The following DPP6 variants were observed in gnomAD, a reference collection of about 807,000 sequenced individuals.
The protein encoded by DPP6 is dipeptidyl peptidase like 6.
In DPP6, 69 loss-of-function variants were observed where a neutral mutation model predicts 122.6. The observed-to-expected ratio is 0.56, with a 90% CI of 0.46 to 0.69. The LOEUF is 0.69. Among genes scored for constraint, DPP6 ranks in the 30% least tolerant of loss-of-function variants. The pLI is 0.00. For synonymous variants in DPP6, 418 were observed against 433.1 expected, an observed-to-expected ratio of 0.97 and a Z score of 0.43; for missense variants, 928 against 1,116.9, an observed-to-expected ratio of 0.83 and a Z score of 2.41.
intron 21 of DPP6, chr7:154,884,569 A>G (rs1453892689): frequency 1.3e-5 from 2 of 151,450 alleles, no homozygotes; most frequent in African/African-American, 4.9e-5. Flanking sequence ...TCACCCATAC[A>G]TACACACGAT....
intron 1 of DPP6, among the ~76,000 whole-genome samples, chr7:154,251,630 C>T (rs1041065273): frequency 4.6e-5 from 7 of 152,208 alleles, no homozygotes; most frequent in African/African-American, 1.2e-4. Flanking sequence ...ACCGACAGTG[C>T]AGCCTTCAGT....
At chr7:154,076,942 G>A in intron 1 of DPP6, among the ~76,000 whole-genome samples, 1 of 151,936 alleles carries the variant, frequency 6.6e-6, no homozygotes, top group Non-Finnish European at 1.5e-5. Context: ...GAAAAGGACC[G>A]AAAAACCACA....
chr7:154,210,498 G>A (rs1171889706), intron 1 of DPP6, among the ~76,000 whole-genome samples: 1 of 152,172 alleles, frequency 6.6e-6, no homozygotes, highest in African/African-American at 2.4e-5. Context: ...GGTGTTGGAA[G>A]GATTCTATGA....
intron 1 of DPP6, among the ~76,000 whole-genome samples, chr7:154,229,918 A>AT (rs1449323121): frequency 2.6e-5 from 4 of 152,264 alleles, no homozygotes; most frequent in Middle Eastern, 3.4e-3. Flanking sequence ...TATAATACAC[A>AT]TTTTTTCATG....
intron 1 of DPP6, among the ~76,000 whole-genome samples, chr7:154,441,316 A>G (rs2151279021): frequency 6.6e-6 from 1 of 152,310 alleles, no homozygotes; most frequent in South Asian, 2.1e-4. Context: ...TCTCTATTAC[A>G]TATCATATGT....
At chr7:154,010,953 A>G (rs1023184454) in intron 1 of DPP6, among the ~76,000 whole-genome samples, 1 of 152,224 alleles carries the variant, frequency 6.6e-6, no homozygotes, top group African/African-American at 2.4e-5. Context: ...AGTCAGAAGT[A>G]GAAATGGGTA....
the DPP6 span, among the ~76,000 whole-genome samples, chr7:153,874,252 G>GCACACACACACACACACACA: frequency 6.7e-6 from 1 of 150,092 alleles, no homozygotes; most frequent in African/African-American, 2.4e-5. Context: ...GTGCGCACAT[G>GCACACACACACACACACACA]CACACACACA....
chr7:154,772,116 A>G (rs1291270643), intron 9 of DPP6, among the ~76,000 whole-genome samples: 1 of 152,212 alleles, frequency 6.6e-6, no homozygotes. Context: ...GAAATCCCAG[A>G]TTACTCAAGA....
At chr7:154,319,365 TA>T (rs760728617) in intron 1 of DPP6, among the ~76,000 whole-genome samples, 8 of 152,362 alleles carry the variant, frequency 5.3e-5, no homozygotes, top group Non-Finnish European at 8.8e-5. Flanking sequence ...AGTCCTGCTT[TA>T]TATTTGTATA....
chr7:154,145,539 C>T (rs1460914193), intron 1 of DPP6, among the ~76,000 whole-genome samples: 37 of 151,564 alleles, frequency 2.4e-4, no homozygotes, highest in Non-Finnish European at 2.4e-4. Flanking sequence ...CATTGTCTTA[C>T]ACTGGTAGGT....
intron 7 of DPP6, among the ~76,000 whole-genome samples, chr7:154,721,454 C>G (rs1397387686): frequency 1.3e-5 from 2 of 152,128 alleles, no homozygotes; most frequent in Non-Finnish European, 2.9e-5. Flanking sequence ...CGAGTTAATG[C>G]TCATAAAGCA....
At chr7:153,809,841 G>A in the DPP6 span, among the ~76,000 whole-genome samples, 1 of 135,964 alleles carries the variant, frequency 7.4e-6, no homozygotes. Flanking sequence ...TCTCAGGGTT[G>A]TTACAAGGGT....
Position 154,474,939 on chromosome 7 carries a change from C to A in DPP6, c.359C>A (p.Ala120Glu), listed in dbSNP as rs377188231. Residue 120 changes from alanine (A) to glutamate (E), a missense_variant and splice_region_variant, in exon 3 of 26, where the codon GCG becomes GAG. Physicochemically the swap from Ala to Glu is moderately radical, Grantham distance 107. Transcript: ENST00000377770. ...CTCTTTGCTTTTTATTTTTTTCTAG[C>A]GGAAGATAATAGTCTGTCTCAAAAG... is the stretch of plus-strand genomic sequence containing the variant. The part of the protein sequence containing the change: ...IVTSVILLTP[A>E]EDNSLSQKKK... 3 of 1,609,784 alleles carry A rather than the reference C, an allele frequency of 1.9e-6. No homozygotes were observed. The highest frequency in any genetic ancestry group is 1.7e-6 in the Non-Finnish European group (2 of 1,177,028).
chr7:154,476,416 A>G (rs1822743073), intron 3 of DPP6, among the ~76,000 whole-genome samples: 1 of 152,222 alleles, frequency 6.6e-6, no homozygotes. Context: ...ATGTTCGTGT[A>G]CACCCGCTGC....
At chr7:154,815,442 A>G (rs1199833223) in intron 16 of DPP6, among the ~76,000 whole-genome samples, 1 of 152,104 alleles carries the variant, frequency 6.6e-6, no homozygotes, top group Non-Finnish European at 1.5e-5. Flanking sequence ...CAATTTACAT[A>G]ATTTGTGTTT....
intron 1 of DPP6, among the ~76,000 whole-genome samples, chr7:154,370,725 C>G (rs1812581639): frequency 6.6e-6 from 1 of 152,194 alleles, no homozygotes; most frequent in Non-Finnish European, 1.5e-5. Flanking sequence ...TGCAGAAATA[C>G]TCAACCTAGA....
At chr7:154,033,765 C>G (rs1243481775) in intron 1 of DPP6, among the ~76,000 whole-genome samples, 1 of 152,196 alleles carries the variant, frequency 6.6e-6, no homozygotes, top group African/African-American at 2.4e-5. Context: ...GGAAACCCAA[C>G]AGGACCTTAA....
At chr7:154,585,643 A>G (rs1268584298) in intron 5 of DPP6, among the ~76,000 whole-genome samples, 1 of 152,226 alleles carries the variant, frequency 6.6e-6, no homozygotes, top group African/African-American at 2.4e-5. Flanking sequence ...ACTTGAAATC[A>G]TCTCTAGGTT....
chr7:154,102,819 T>C (rs1345630546), intron 1 of DPP6, among the ~76,000 whole-genome samples: 1 of 152,224 alleles, frequency 6.6e-6, no homozygotes, highest in Non-Finnish European at 1.5e-5. Flanking sequence ...GTTCCTCTCT[T>C]AATGTGCATC....
Sources: allele counts gnomAD v4.1 joint callset (sites outside exome capture counted in the v4.1 genomes callset), GRCh38; gene constraint gnomAD v4.1.1; transcripts MANE v1.5; gene names NCBI Gene and HGNC (gene_info 2026-07-23, HGNC 2026-07-21).